CDH22: variants seen among roughly 807,000 people sequenced by gnomAD.
CDH22 encodes cadherin-22.
Under a neutral mutation model 58.4 loss-of-function variants are expected in CDH22, and 30 were observed. That is an observed-to-expected ratio of 0.51 (90% confidence interval 0.38 to 0.70). The LOEUF is 0.70. Among genes scored for constraint, CDH22 ranks in the 30% least tolerant of loss-of-function variants. The pLI, the probability that CDH22 is intolerant of heterozygous loss-of-function variation, is 0.00. For synonymous variants in CDH22, 513 were observed against 558.2 expected, an observed-to-expected ratio of 0.92 and a Z score of 1.14; for missense variants, 1,014 against 1,233.9, an observed-to-expected ratio of 0.82 and a Z score of 2.67.
chr20:46,290,325 T>C lies in CDH22; in HGVS notation c.-400+17930A>G, dbSNP rs550081331. On this transcript the variant is annotated intron_variant, in intron 1 of 11. Transcript: ENST00000537909. ...GGGGACATTTAGCAATGACTAGAGA[T>C]GTTTCTGGTTGTCACAACTGGGTGG... is the stretch of plus-strand genomic sequence containing the variant. Among the ~76,000 whole-genome samples the C allele has an allele frequency of 1.9e-3, 286 of 152,336 alleles. 1 individual carries two copies. Among genetic ancestry groups the C allele is most frequent in the African/African-American group, 6.7e-3 (279 of 41,578 alleles).
rs2086646406 is a variant in CDH22, at chr20:46,300,472, C to T, written c.-400+7783G>A. 6.6e-6 allele frequency among the ~76,000 whole-genome samples: 1 copy of T among 152,196 alleles called. No homozygotes were observed. The highest frequency in any genetic ancestry group is 2.1e-4 in the South Asian group (1 of 4,826). ...CCTGCCTGGTGCCTGTCACTCTGCC[C>T]ATCACACACACAAGCGCGCGTGTGC... is the stretch of plus-strand genomic sequence containing the variant. On this transcript the variant is annotated intron_variant, in intron 1 of 11. Coordinates refer to ENST00000537909, the MANE Select transcript of CDH22 (RefSeq NM_021248.3). The surrounding 1 kb of genome is among the most constrained non-coding windows in gnomAD (Gnocchi z 4.4).
chr20:46,296,887 C>A (rs528556815), intron 1 of CDH22, among the ~76,000 whole-genome samples: 2 of 152,176 alleles, frequency 1.3e-5, no homozygotes, highest in African/African-American at 4.8e-5. Flanking sequence ...GCCCGTAAGA[C>A]GAGCCTGATG....
chr20:46,203,152 CG>C (rs1270771031), intron 7 of CDH22, among the ~76,000 whole-genome samples: 1 of 151,574 alleles, frequency 6.6e-6, no homozygotes, highest in Non-Finnish European at 1.5e-5. Flanking sequence ...GCGGGGGCAG[CG>C]GGGACCCGCC....
chr20:46,251,419 C>A lies in CDH22; in HGVS notation c.-125G>T. On this transcript the variant is annotated 5_prime_UTR_variant, in exon 2 of 12. Coordinates refer to ENST00000537909, the MANE Select transcript of CDH22 (RefSeq NM_021248.3). This position sits in a 1 kb window ranked among gnomAD's most constrained non-coding sequence, Gnocchi z 6.7. The stretch of plus-strand genomic sequence containing the variant: ...CCTCAGCGCGGCCGCCGGGATGTCG[C>A]CCCCGACGGGGCACCCGGACGGGCC... 14 of 1,149,994 alleles carry A rather than the reference C, an allele frequency of 1.2e-5. No homozygotes were observed. The highest frequency in any genetic ancestry group is 1.6e-5 in the African/African-American group (1 of 61,220). 71.2% of individuals were successfully genotyped at this position (1,149,994 alleles called of 1,614,324 possible). A position where few individuals can be genotyped will look rare whatever the true frequency, so the allele number is the denominator to read the frequency against.
intron 8 of CDH22, among the ~76,000 whole-genome samples, chr20:46,197,597 A>G (rs113164005): frequency 1.4e-3 from 218 of 152,180 alleles, no homozygotes; most frequent in African/African-American, 4.8e-3. Context: ...CACTCCATCT[A>G]CAGCCCAGAG....
chr20:46,237,715 G>T (rs2086263528), intron 3 of CDH22, among the ~76,000 whole-genome samples: 1 of 152,070 alleles, frequency 6.6e-6, no homozygotes, highest in South Asian at 2.1e-4. Context: ...GACAGAGCTG[G>T]GTCTCCATAG....
chr20:46,285,409 C>A (rs62214489), intron 1 of CDH22, among the ~76,000 whole-genome samples: 4,037 of 152,296 alleles, frequency 0.027, 91 homozygotes, highest in Non-Finnish European at 0.045. Context: ...GACCTTGCGA[C>A]CCTTGGGACA....
At chr20:46,266,696 G>A (rs977910930) in intron 1 of CDH22, among the ~76,000 whole-genome samples, 2 of 152,194 alleles carry the variant, frequency 1.3e-5, no homozygotes, top group African/African-American at 4.8e-5. Flanking sequence ...TTGGAGCTTG[G>A]CTTTGATCCC....
At chr20:46,213,359 A>G (rs1199522238) in intron 5 of CDH22, among the ~76,000 whole-genome samples, 171 bp from the exon 6 acceptor site, 1 of 152,192 alleles carries the variant, frequency 6.6e-6, no homozygotes, top group African/African-American at 2.4e-5. Flanking sequence ...CCCCTGCAGA[A>G]GTTTGGGTGG....
chr20:46,258,065 T>A (rs2086415095), intron 1 of CDH22, among the ~76,000 whole-genome samples: 1 of 152,142 alleles, frequency 6.6e-6, no homozygotes, highest in South Asian at 2.1e-4. Context: ...GTTTGGATGA[T>A]AAATCATGTG....
chr20:46,279,363 G>A (rs2086537432), intron 1 of CDH22, among the ~76,000 whole-genome samples: 1 of 152,134 alleles, frequency 6.6e-6, no homozygotes, highest in Non-Finnish European at 1.5e-5. Context: ...GATGATAAGG[G>A]GAAAAGGGGA....
chr20:46,192,687 C>G (rs2085869832), intron 8 of CDH22, among the ~76,000 whole-genome samples: 1 of 152,040 alleles, frequency 6.6e-6, no homozygotes, highest in African/African-American at 2.4e-5. Flanking sequence ...TCTCCACTAT[C>G]CCCCCAGCCC....
At chr20:46,220,362 G>C (rs1272886295) in intron 4 of CDH22, 3 of 147,852 alleles carry the variant, frequency 2.0e-5, no homozygotes, top group African/African-American at 7.4e-5. Context: ...AGAAAACAGA[G>C]AGGGAGACGC....
chr20:46,259,193 A>C (rs1387326629), intron 1 of CDH22, among the ~76,000 whole-genome samples: 1 of 152,218 alleles, frequency 6.6e-6, no homozygotes, highest in East Asian at 1.9e-4. Flanking sequence ...ACCTAAAGAC[A>C]TAATTCTCCC....
In CDH22 at chr20:46,227,766, G is replaced by C. The variant is rs1422614745; in HGVS notation, c.551-139C>G. On this transcript the variant is annotated intron_variant, in intron 3 of 11. Coordinates refer to ENST00000537909, the MANE Select transcript of CDH22 (RefSeq NM_021248.3). ...AGGCCATCGAATACAGCCCCTCACG[G>C]TCCCCATCCCCACTCTGAGCCCCAA... The C allele has an allele frequency of 3.2e-6, 4 of 1,259,292 alleles. No individual in the cohort carries two copies. In the African/African-American group the frequency reaches 6.0e-5, roughly 19 times the overall value. The allele number at this position is 1,259,292 out of a possible 1,614,324, so 78.0% of individuals were successfully genotyped here.
At chr20:46,244,428 G>A (rs6104515) in intron 2 of CDH22, among the ~76,000 whole-genome samples, 42,649 of 152,132 alleles carry the variant, frequency 0.28, 6,202 homozygotes, top group African/African-American at 0.37. Context: ...TGAAGAGGGA[G>A]TGCCTCTGGC....
At chr20:46,284,960 T>A (rs531862853) in intron 1 of CDH22, among the ~76,000 whole-genome samples, 21 of 152,308 alleles carry the variant, frequency 1.4e-4, no homozygotes, top group African/African-American at 5.1e-4. Flanking sequence ...TCAGCACTCA[T>A]TCCTGCCTCT....
In CDH22 at chr20:46,226,260, T is replaced by TTCC. The variant is rs1294952760; in HGVS notation, c.670+1247_670+1248insGGA. 1.7e-3 allele frequency among the ~76,000 whole-genome samples: 22 copies of TTCC among 12,638 alleles called. 1 individual carries two copies. Among genetic ancestry groups the TTCC allele is most frequent in the South Asian group, 8.0e-3 (4 of 498 alleles). 8.3% of individuals were successfully genotyped at this position (12,638 alleles called of 152,430 possible). On this transcript the variant is annotated intron_variant, in intron 4 of 11. Transcript: ENST00000537909. ...CTTCTTCTTCTTCTTCTTCTTCTTCTTCTTCTTCTTCTTCTTCTTCTTCTT... is the reference window on the plus strand; with the variant it reads ...CTTCTTCTTCTTCTTCTTCTTCTTCTTCCTCTTCTTCTTCTTCTTCTTCTTCTT...
At chr20:46,273,700 G>A (rs1253727976) in intron 1 of CDH22, among the ~76,000 whole-genome samples, 1 of 152,218 alleles carries the variant, frequency 6.6e-6, no homozygotes, top group African/African-American at 2.4e-5. Flanking sequence ...GACAATGGCA[G>A]GGGGTATCAG....
Sources: gnomAD v4.1 joint callset for allele counts (sites outside exome capture counted in the v4.1 genomes callset) on GRCh38, gnomAD v4.1.1 for gene constraint, Gnocchi (gnomAD v3.1) non-coding constraint, MANE v1.5 for transcripts, NCBI Gene and HGNC (gene_info 2026-07-23, HGNC 2026-07-21) for gene names.